LGALS3: variants seen among roughly 807,000 people sequenced by gnomAD.
The protein encoded by LGALS3 is galectin 3.
In LGALS3, 18 loss-of-function variants were observed where a neutral mutation model predicts 20.7. The ratio of observed to expected loss-of-function variants is 0.87; its 90% CI spans 0.60 to 1.29. LGALS3 has a LOEUF of 1.29. Among genes scored for constraint, LGALS3 ranks in the 50% most tolerant of loss-of-function variants. The probability of loss-of-function intolerance (pLI) is 0.00; values close to 1 mark genes in which losing one functional copy is unlikely to be tolerated. For synonymous variants in LGALS3, 112 were observed against 119.6 expected (o/e 0.94, Z 0.42); for missense variants, 315 against 314.7 (o/e 1.00, Z -0.01).
In LGALS3 at chr14:55,145,135, C is replaced by G. The variant is rs756059560; in HGVS notation, c.617C>G (p.Pro206Arg). The change falls in exon 6 of 6, where the codon CCT (proline) becomes CGT (arginine). Residue 206 changes from proline to arginine, a missense_variant. By Grantham distance (103) the Pro-to-Arg change is moderately radical (BLOSUM62 -2). Coordinates refer to ENST00000254301, the MANE Select transcript of LGALS3 (RefSeq NM_002306.4). The part of the protein sequence containing the change: ...KPFKIQVLVE[P>R]DHFKVAVNDA... ...TTTCAGATACAAGTACTGGTTGAAC[C>G]TGACCACTTCAAGGTTGCAGTGAAT... 5 of 1,613,760 alleles carry G rather than the reference C, an allele frequency of 3.1e-6. No individual in the cohort carries two copies. In the South Asian group the frequency reaches 4.4e-5, roughly 14 times the overall value.
In LGALS3 at chr14:55,140,374, C is replaced by T; in HGVS notation, c.431+11C>T. On this transcript the variant is annotated intron_variant, in intron 4 of 5. Coordinates refer to ENST00000254301, the MANE Select transcript of LGALS3 (RefSeq NM_002306.4). Reference sequence around the variant, plus strand: ...GCCCAATGCAAACAGGTAAGGAGAGCAAAATTAACAAGTCTACTCTATTTG... The same window carrying T: ...GCCCAATGCAAACAGGTAAGGAGAGTAAAATTAACAAGTCTACTCTATTTG... 1 of 1,557,090 alleles carries T rather than the reference C, an allele frequency of 6.4e-7. No individual in the cohort carries two copies. Among genetic ancestry groups the T allele is most frequent in the African/African-American group, 1.4e-5 (1 of 73,814 alleles).
chr14:55,137,874 A>G, intron 2 of LGALS3, 171 bp from the exon 3 acceptor site: 1 of 1,315,124 alleles, frequency 7.6e-7, no homozygotes, highest in Non-Finnish European at 9.7e-7. Flanking sequence ...CCCAACATCT[A>G]ATTTTAGTCT....
intron 1 of LGALS3, among the ~76,000 whole-genome samples, chr14:55,136,490 C>G (rs909000491): frequency 1.3e-5 from 2 of 152,112 alleles, no homozygotes; most frequent in African/African-American, 4.8e-5. Context: ...ATCTGCCTTG[C>G]TGCACTGTAG....
chr14:55,132,046 G>A (rs1038215936), intron 1 of LGALS3, among the ~76,000 whole-genome samples: 3 of 152,188 alleles, frequency 2.0e-5, no homozygotes, highest in Non-Finnish European at 2.9e-5. Context: ...GGACCTTTAT[G>A]AGCAGACATT....
chr14:55,142,958 C>T (rs544119064), intron 5 of LGALS3, among the ~76,000 whole-genome samples: 4 of 152,160 alleles, frequency 2.6e-5, no homozygotes, highest in Non-Finnish European at 4.4e-5. Context: ...GGCACCTCTC[C>T]ATCATCACTG....
chr14:55,129,494 G>A lies in LGALS3; in HGVS notation c.-5+194G>A, dbSNP rs118083722. Among the ~76,000 whole-genome samples, 8,693 of 152,166 alleles carry A rather than the reference G, an allele frequency of 0.057. 311 individuals carry two copies. Among genetic ancestry groups the A allele is most frequent in the South Asian group, 0.091 (438 of 4,830 alleles). ...GCAGCGATCTGGGCCCGGGGCAGTC[G>A]CCTTTGATTATCGAGGGCGCTGGCG... On this transcript the variant is annotated intron_variant, in intron 1 of 5. Transcript: ENST00000254301. This position sits in a 1 kb window ranked among gnomAD's most constrained non-coding sequence, Gnocchi z 5.3.
chr14:55,145,275 G>C lies in LGALS3; in HGVS notation c.*4G>C, dbSNP rs778293229. ...TGCTTCATATACCATGATATAATCT[G>C]AAAGGGGCAGATTAAAAAAAAAAAA... On this transcript the variant is annotated 3_prime_UTR_variant, in exon 6 of 6. Transcript: ENST00000254301. 2.5e-6 allele frequency: 4 copies of C among 1,609,388 alleles called. No homozygotes were observed. In the African/African-American group the frequency reaches 5.4e-5, roughly 22 times the overall value.
Position 55,145,423 on chromosome 14 carries a change from A to C in LGALS3, c.*152A>C, listed in dbSNP as rs1348874044. On this transcript the variant is annotated 3_prime_UTR_variant, in exon 6 of 6. Coordinates refer to ENST00000254301, the MANE Select transcript of LGALS3 (RefSeq NM_002306.4). ...ATATTACAGTGAATTACCTGTCTCA[A>C]TATGTCATTTAATTGGAGTGGTTTA... 2.9e-6 allele frequency: 4 copies of C among 1,389,206 alleles called. No homozygotes were observed. The highest frequency in any genetic ancestry group is 2.0e-5 in the Admixed American group (1 of 48,808). The allele number at this position is 1,389,206 out of a possible 1,614,324, so 86.1% of individuals were successfully genotyped here. A position where few individuals can be genotyped will look rare whatever the true frequency, so the allele number is the denominator to read the frequency against.
chr14:55,145,235 CAT>C lies in LGALS3; in HGVS notation c.719_720del (p.Ile240ArgfsTer13), dbSNP rs750086778. On this transcript the variant is annotated frameshift_variant, in exon 6 of 6. Coordinates refer to ENST00000254301, the MANE Select transcript of LGALS3 (RefSeq NM_002306.4). LOFTEE classifies it high-confidence loss of function. ...EISKLGISGD[I>X]DLTSASYTMI is the part of the protein sequence containing the mutation. ...TCAGCAAACTGGGAATTTCTGGTGA[CAT>C]AGACCTCACCAGTGCTTCATATACC... is the stretch of plus-strand genomic sequence containing the variant. 2 of 1,612,930 alleles carry C rather than the reference CAT, an allele frequency of 1.2e-6. No individual in the cohort carries two copies. The highest frequency in any genetic ancestry group is 1.7e-6 in the Non-Finnish European group (2 of 1,179,616).
chr14:55,142,896 C>A, intron 5 of LGALS3, 147 bp downstream of exon 5: 1 of 600,876 alleles, frequency 1.7e-6, no homozygotes, highest in Non-Finnish European at 2.9e-6. Context: ...GGGGACCAGG[C>A]TCAGCAGGCT....
chr14:55,137,479 T>G (rs1359324681), intron 2 of LGALS3, 88 bp downstream of exon 2: 4 of 1,613,536 alleles, frequency 2.5e-6, no homozygotes, highest in Non-Finnish European at 3.4e-6. Flanking sequence ...CTTTCCCTTT[T>G]CACTCTCCCA....
At chr14:55,134,814 T>C (rs915695153) in intron 1 of LGALS3, among the ~76,000 whole-genome samples, 1 of 152,194 alleles carries the variant, frequency 6.6e-6, no homozygotes, top group Admixed American at 6.5e-5. Context: ...ATGGGCATGG[T>C]CATAACCTAA....
chr14:55,133,108 TAC>T (rs1206027375), intron 1 of LGALS3, among the ~76,000 whole-genome samples: 4 of 152,244 alleles, frequency 2.6e-5, no homozygotes, highest in African/African-American at 7.2e-5. Flanking sequence ...GTTATGTAGT[TAC>T]AGATGAGTAA....
intron 1 of LGALS3, among the ~76,000 whole-genome samples, chr14:55,131,159 A>C (rs1881221169): frequency 6.6e-6 from 1 of 152,198 alleles, no homozygotes. Flanking sequence ...AATATTTAGC[A>C]CTTAGAAGTG....
intron 4 of LGALS3, among the ~76,000 whole-genome samples, chr14:55,142,203 G>C (rs906868837): frequency 6.6e-6 from 1 of 152,178 alleles, no homozygotes; most frequent in Admixed American, 6.5e-5. Flanking sequence ...AACTGGAAGA[G>C]CAGGAAAGAG....
At chr14:55,141,124 C>A (rs1881608113) in intron 4 of LGALS3, among the ~76,000 whole-genome samples, 1 of 152,150 alleles carries the variant, frequency 6.6e-6, no homozygotes, top group South Asian at 2.1e-4. Context: ...TCACCTTGCT[C>A]CACATCCTGC....
chr14:55,132,654 G>C (rs576286502), intron 1 of LGALS3, among the ~76,000 whole-genome samples: 1 of 152,072 alleles, frequency 6.6e-6, no homozygotes, highest in African/African-American at 2.4e-5. Flanking sequence ...TGCAACCTCT[G>C]CCTCCCGGGT....
Position 55,129,272 on chromosome 14 carries a change from A to G in LGALS3, c.-33A>G, listed in dbSNP as rs1314329621. ...CCGGCGCCCGCAGCACCTCCTCGCC[A>G]GCAGCCGTCCGGAGCCAGCCAACGA... is the stretch of plus-strand genomic sequence containing the variant. On this transcript the variant is annotated 5_prime_UTR_variant, in exon 1 of 6. Transcript: ENST00000254301. This position sits in a 1 kb window ranked among gnomAD's most constrained non-coding sequence, Gnocchi z 5.3. 6.6e-6 allele frequency: 1 copy of G among 151,576 alleles called. No homozygotes were observed. Among genetic ancestry groups the G allele is most frequent in the Non-Finnish European group, 1.5e-5 (1 of 67,912 alleles). The allele number at this position is 151,576 out of a possible 1,614,324, so 9.4% of individuals were successfully genotyped here. A position where few individuals can be genotyped will look rare whatever the true frequency, so the allele number is the denominator to read the frequency against.
rs2140285745 is a variant in LGALS3 at position 55,129,461 on chromosome 14, G to A, written c.-5+161G>A. On this transcript the variant is annotated intron_variant, in intron 1 of 5. Transcript: ENST00000254301. This position sits in a 1 kb window ranked among gnomAD's most constrained non-coding sequence, Gnocchi z 5.3. ...CCTGTGCTCTGCCCTCCAGGAGCGG[G>A]GCGGCGGGCAGCGATCTGGGCCCGG... Among the ~76,000 whole-genome samples, 1 of 152,246 alleles carries A rather than the reference G, an allele frequency of 6.6e-6. No homozygotes were observed. The highest frequency in any genetic ancestry group is 2.1e-4 in the South Asian group (1 of 4,832).
Sources: gnomAD v4.1 joint callset for allele counts (sites outside exome capture counted in the v4.1 genomes callset) on GRCh38, gnomAD v4.1.1 for gene constraint, Gnocchi (gnomAD v3.1) non-coding constraint, MANE v1.5 for transcripts, NCBI Gene and HGNC (gene_info 2026-07-23, HGNC 2026-07-21) for gene names.